The following FIP1L1 variants were observed in gnomAD, a reference collection of about 807,000 sequenced individuals.
The protein encoded by FIP1L1 is factor interacting with PAPOLA and CPSF1.
FIP1L1 carries 21 observed loss-of-function variants against 84.6 expected under a neutral mutation model. The observed-to-expected ratio is 0.25, with a 90% confidence interval of 0.18 to 0.36. FIP1L1 has a LOEUF of 0.36. Ranked by LOEUF, FIP1L1 falls within the 10% of genes least tolerant of loss-of-function variation. The pLI is 1.00. For synonymous variants in FIP1L1, 263 were observed against 242.3 expected (o/e 1.09, Z -0.80); for missense variants, 526 against 751.1 (o/e 0.70, Z 3.50).
chr4:53,396,131 C>A (rs1308811698), intron 9 of FIP1L1, among the ~76,000 whole-genome samples: 1 of 152,064 alleles, frequency 6.6e-6, no homozygotes, highest in African/African-American at 2.4e-5. Flanking sequence ...GTTGGCCAGG[C>A]TGGTCTCTAA....
chr4:53,395,409 A>G lies in FIP1L1; in HGVS notation c.705+3911A>G, dbSNP rs767737279. On this transcript the variant is annotated intron_variant, in intron 9 of 17. Transcript: ENST00000337488. The stretch of plus-strand genomic sequence containing the variant: ...TGTCTCTCCCACGTCTCTTTCCCCA[A>G]TCCTTCCCGGTTCCTCCTTCCCGGT... Among the ~76,000 whole-genome samples, 90 of 151,946 alleles carry G rather than the reference A, an allele frequency of 5.9e-4. 1 individual carries two copies. Among genetic ancestry groups the G allele is most frequent in the Admixed American group, 2.6e-4 (4 of 15,248 alleles).
chr4:53,404,725 C>A, intron 10 of FIP1L1, among the ~76,000 whole-genome samples: 1 of 152,170 alleles, frequency 6.6e-6, no homozygotes, highest in Non-Finnish European at 1.5e-5. Flanking sequence ...GAGATGCTAT[C>A]TCATTGTGGT....
At chr4:53,433,972 C>T (rs1162426200) in intron 13 of FIP1L1, among the ~76,000 whole-genome samples, 6 of 151,870 alleles carry the variant, frequency 4.0e-5, no homozygotes, top group South Asian at 2.1e-4. Context: ...GGGCGGGTGG[C>T]GAGTTGCTCA....
In FIP1L1 at chr4:53,452,934, C is replaced by T. The variant is rs1363321246; in HGVS notation, c.1300C>T (p.Leu434Phe). Residue 434 changes from leucine (L) to phenylalanine (F), a missense_variant, in exon 16 of 18, where the codon CTT (leucine) becomes TTT (phenylalanine). By Grantham distance (22) the Leu-to-Phe change is conservative (BLOSUM62 0). Transcript: ENST00000337488. ...FPYGNVAFPH[L>F]PGSAPSWPSL... The stretch of plus-strand genomic sequence containing the variant: ...TTTTTCTTTAGTTGCCTTTCCCCAT[C>T]TTCCTGGTTCTGCTCCTTCGTGGCC... The T allele has an allele frequency of 6.2e-7, 1 of 1,612,520 alleles. No homozygotes were observed. The highest frequency in any genetic ancestry group is 1.7e-5 in the Admixed American group (1 of 60,006).
intron 13 of FIP1L1, among the ~76,000 whole-genome samples, chr4:53,431,015 T>C (rs767838803): frequency 6.6e-6 from 1 of 152,238 alleles, no homozygotes; most frequent in Non-Finnish European, 1.5e-5. Context: ...TTGGGGAGCG[T>C]ACAGGCTATG....
At position 53,460,773 on chromosome 4, in the gene FIP1L1, AG is replaced by A; in HGVS notation, c.*1325del. 1 of 909,714 alleles carries A rather than the reference AG, an allele frequency of 1.1e-6. No homozygotes were observed. The highest frequency in any genetic ancestry group is 1.8e-5 in the South Asian group (1 of 56,218). The allele number at this position is 909,714 out of a possible 1,614,324, so 56.4% of individuals were successfully genotyped here. ...TTCTGAGGTGTAACTGGCTTTCATT[AG>A]ATGATCATACTTTTCCTGACATTTT... On this transcript the variant is annotated 3_prime_UTR_variant, in exon 18 of 18. Coordinates refer to ENST00000337488, the MANE Select transcript of FIP1L1 (RefSeq NM_030917.4).
intron 1 of FIP1L1, chr4:53,378,800 A>AAC: frequency 2.2e-6 from 1 of 455,218 alleles, no homozygotes; most frequent in South Asian, 3.1e-5. Context: ...TTTAGAATAG[A>AAC]ATAGTAAAAG....
At chr4:53,378,824 C>T (rs1349269628) in intron 1 of FIP1L1, 4 of 490,956 alleles carry the variant, frequency 8.1e-6, no homozygotes, top group South Asian at 6.1e-5. Flanking sequence ...ACTTTGGGCA[C>T]CATGCAGGTC....
At chr4:53,440,407 A>G (rs1771393577) in intron 13 of FIP1L1, among the ~76,000 whole-genome samples, 2 of 151,960 alleles carry the variant, frequency 1.3e-5, no homozygotes, top group South Asian at 2.1e-4. Context: ...AGGAAGTTGG[A>G]TGTTATACTC....
intron 15 of FIP1L1, 148 bp from the exon 16 acceptor site, chr4:53,452,772 G>C: frequency 1.6e-6 from 1 of 607,652 alleles, no homozygotes; most frequent in South Asian, 2.1e-5. Flanking sequence ...GGATCTTCCC[G>C]ATACTGTGGG....
chr4:53,378,688 C>T (rs1400136234), intron 1 of FIP1L1: 2 of 205,086 alleles, frequency 9.8e-6, no homozygotes, highest in Non-Finnish European at 9.9e-6. Context: ...ACTTGTTTGA[C>T]ATCTGGTTTT....
At chr4:53,380,620 T>G (rs531719353) in intron 3 of FIP1L1, among the ~76,000 whole-genome samples, 2 of 152,164 alleles carry the variant, frequency 1.3e-5, no homozygotes, top group African/African-American at 2.4e-5. Flanking sequence ...TAGAAATAGC[T>G]TAGGAGGAGC....
intron 11 of FIP1L1, among the ~76,000 whole-genome samples, chr4:53,417,763 ACTCTCTCTCTCTCTCTCTCTCTCTCTCT>A (rs58568620): frequency 0.019 from 1,979 of 105,290 alleles, 103 homozygotes; most frequent in South Asian, 0.078. Flanking sequence ...ACACACACAC[ACTCTCTCTCTCTCTCTCTCTCTCTCTCT>A]CTCTCTCTCT....
Position 53,382,317 on chromosome 4 carries a change from A to T in FIP1L1, c.210A>T (p.Glu70Asp). Residue 70 changes from glutamate (E) to aspartate (D), a missense_variant, in exon 4 of 18, where the codon GAA becomes GAT. Coordinates refer to ENST00000337488, the MANE Select transcript of FIP1L1 (RefSeq NM_030917.4). ...CTGGAATTGAAGATGAAACTGCTGA[A>T]AATGGTGTACCAAAACCGGTAACAT... ...PPSGIEDETA[E>D]NGVPKPKVTE... 2.5e-6 allele frequency: 4 copies of T among 1,613,706 alleles called. No homozygotes were observed. Among genetic ancestry groups the T allele is most frequent in the Non-Finnish European group, 3.4e-6 (4 of 1,179,652 alleles).
intron 14 of FIP1L1, among the ~76,000 whole-genome samples, chr4:53,443,700 C>T (rs1772980477): frequency 6.6e-6 from 1 of 152,038 alleles, no homozygotes. Flanking sequence ...GGCTGAATTA[C>T]TGATTTATCA....
At chr4:53,428,226 T>G in intron 13 of FIP1L1, 43 bp downstream of exon 13, 1 of 1,488,906 alleles carries the variant, frequency 6.7e-7, no homozygotes, top group Non-Finnish European at 9.0e-7. Flanking sequence ...GAAAAATAGC[T>G]TGCGAGTGTT....
intron 14 of FIP1L1, among the ~76,000 whole-genome samples, chr4:53,443,605 A>T (rs762928900): frequency 2.0e-5 from 3 of 152,166 alleles, no homozygotes; most frequent in Non-Finnish European, 4.4e-5. Context: ...GAACATAAGG[A>T]TTTAGTTTTA....
chr4:53,426,347 T>C (rs1203146964), intron 12 of FIP1L1, among the ~76,000 whole-genome samples: 1 of 152,152 alleles, frequency 6.6e-6, no homozygotes, highest in Non-Finnish European at 1.5e-5. Flanking sequence ...GTTATTTAAT[T>C]TGTTATAATG....
intron 10 of FIP1L1, among the ~76,000 whole-genome samples, chr4:53,406,845 C>T (rs191444530): frequency 1.2e-3 from 185 of 152,222 alleles, no homozygotes; most frequent in Non-Finnish European, 2.2e-3. Flanking sequence ...TCTGTGGGAT[C>T]GGTGGTGATA....
Sources: allele counts gnomAD v4.1 joint callset (sites outside exome capture counted in the v4.1 genomes callset), GRCh38; gene constraint gnomAD v4.1.1; transcripts MANE v1.5; gene names NCBI Gene and HGNC (gene_info 2026-07-23, HGNC 2026-07-21).